SEC16A: variants seen among roughly 807,000 people sequenced by gnomAD.
The protein encoded by SEC16A is protein transport protein Sec16A.
A neutral mutation model predicts 221.9 loss-of-function variants in SEC16A; 110 were observed. That is an observed-to-expected ratio of 0.50 (90% CI 0.42 to 0.58). The LOEUF (loss-of-function observed/expected upper bound fraction) is 0.58, where lower values mean the gene tolerates loss of function less well. Among genes scored for constraint, SEC16A ranks in the 20% least tolerant of loss-of-function variants. The pLI is 0.00. For missense variants in SEC16A, 3,165 were observed against 3,097.8 expected (o/e 1.02, Z -0.52); for synonymous variants, 1,393 against 1,257.7 (o/e 1.11, Z -2.28).
upstream of SEC16A, chr9:136,483,154 G>T: frequency 5.9e-6 from 2 of 336,786 alleles, no homozygotes; most frequent in Non-Finnish European, 8.2e-6. Flanking sequence ...TTCTCTTTCA[G>T]CCCTTCACAG....
At chr9:136,464,133 G>A (rs1839861046) in intron 9 of SEC16A, among the ~76,000 whole-genome samples, 1 of 137,360 alleles carries the variant, frequency 7.3e-6, no homozygotes, top group Non-Finnish European at 1.5e-5. Flanking sequence ...ATCTATCATT[G>A]AAAAGCACCA....
Position 136,474,803 on chromosome 9 carries a change from A to G in SEC16A, c.2813T>C (p.Val938Ala), listed in dbSNP as rs1336462233. 1 of 1,613,990 alleles carries G rather than the reference A, an allele frequency of 6.2e-7. No individual in the cohort carries two copies. Among genetic ancestry groups the G allele is most frequent in the Non-Finnish European group, 8.5e-7 (1 of 1,179,894 alleles). Residue 938 changes from valine (V) to alanine (A), a missense_variant, in exon 3 of 32, where the codon GTT becomes GCT. Val to Ala is a moderately conservative substitution (Grantham distance 64). Around this residue, in one of 3 missense-constraint regions of SEC16A, gnomAD observed 2,030 missense variants for 1,923.1 expected, o/e 1.06. Coordinates refer to ENST00000684901, the MANE Select transcript of SEC16A (RefSeq NM_014866.2). ...PPSQPVPENL[V>A]PESQKDRKAG... is the part of the protein sequence containing the mutation. ...CTTACGATCCTTTTGACTTTCTGGA[A>G]CCAAGTTCTCTGGAACTGGCTGGGA...
Position 136,441,771 on chromosome 9 carries a change from T to G in SEC16A, c.7058A>C (p.His2353Pro). 1.2e-6 allele frequency: 2 copies of G among 1,613,390 alleles called. No individual in the cohort carries two copies. Among genetic ancestry groups the G allele is most frequent in the Non-Finnish European group, 1.7e-6 (2 of 1,179,822 alleles). Reference protein sequence around the residue: ...SRLGRIGQRKHLVLN With the variant: ...SRLGRIGQRKPLVLN ...AGGGCAAGCCTAGTTCAGCACCAGG[T>G]GCTTCCTCTGGCCAATCCTCCCTAG... The change falls in exon 32 of 32, where the codon CAC becomes CCC. Residue 2353 changes from histidine (H) to proline (P), a missense_variant. By Grantham distance (77) the His-to-Pro change is moderately conservative. Transcript: ENST00000684901.
At position 136,474,088 on chromosome 9, in the gene SEC16A, C is replaced by G; in HGVS notation, c.3528G>C (p.Pro1176=). The part of the protein sequence containing the change: ...YDAYQPQYSL[P]YPPEPGAASL... ...AGGCTGCGCCAGGCTCCGGTGGGTA[C>G]GGCAAAGAGTACTGAGGCTGGTAGG... The change falls in exon 3 of 32, where the codon CCG becomes CCC. Residue 1176 remains proline (P), a synonymous_variant. Transcript: ENST00000684901. The G allele has an allele frequency of 6.2e-7, 1 of 1,611,968 alleles. No homozygotes were observed. Among genetic ancestry groups the G allele is most frequent in the Non-Finnish European group, 8.5e-7 (1 of 1,179,202 alleles).
At chr9:136,470,068 GACCAC>G (rs1186502129) in intron 4 of SEC16A, among the ~76,000 whole-genome samples, 1 of 152,242 alleles carries the variant, frequency 6.6e-6, no homozygotes, top group African/African-American at 2.4e-5. Context: ...GCGGGGATCT[GACCAC>G]ACCAGGCCCA....
rs1042543749 is a variant in SEC16A, at chr9:136,471,842, CAT to C, written c.3704+131_3704+132del. On this transcript the variant is annotated intron_variant, in intron 4 of 31. Coordinates refer to ENST00000684901, the MANE Select transcript of SEC16A (RefSeq NM_014866.2). ...TTTGTCCATACCAAGAAAATGTCAA[CAT>C]ATGTTAGATAAGTTTGTACAATTCT... The C allele has an allele frequency of 1.4e-4, 153 of 1,083,476 alleles. No homozygotes were observed. The African/African-American group carries it at 2.1e-3, about 15-fold the overall frequency. The allele number at this position is 1,083,476 out of a possible 1,614,324, so 67.1% of individuals were successfully genotyped here.
chr9:136,447,650 T>C lies in SEC16A; in HGVS notation c.6478A>G (p.Met2160Val). Residue 2160 changes from methionine to valine, a missense_variant, in exon 26 of 32, where the codon ATG (methionine) becomes GTG (valine). Met to Val is a conservative substitution (Grantham distance 21, BLOSUM62 1). Coordinates refer to ENST00000684901, the MANE Select transcript of SEC16A (RefSeq NM_014866.2). This position sits in a 1 kb window ranked among gnomAD's most constrained non-coding sequence, Gnocchi z 5.5. ...KKAPPPPPTS[M>V]PKTVQAAPPA... ...GGGGCAGCTTGCACAGTCTTGGGCA[T>C]CGAGGTTGGAGGTGGGGGCGGGGCT... 1 of 1,613,148 alleles carries C rather than the reference T, an allele frequency of 6.2e-7. No individual in the cohort carries two copies. The highest frequency in any genetic ancestry group is 8.5e-7 in the Non-Finnish European group (1 of 1,179,392).
At chr9:136,478,942 C>T (rs1270495278) in intron 1 of SEC16A, among the ~76,000 whole-genome samples, 112 bp from the exon 2 acceptor site, 1 of 148,718 alleles carries the variant, frequency 6.7e-6, no homozygotes, top group East Asian at 2.0e-4. Context: ...CATAGGTCTC[C>T]GTTTTTGTAC....
At position 136,462,943 on chromosome 9, in the gene SEC16A, A is replaced by C. The variant is rs1839696653; in HGVS notation, c.4837T>G (p.Ser1613Ala). 3 of 1,605,658 alleles carry C rather than the reference A, an allele frequency of 1.9e-6. No homozygotes were observed. The Admixed American group carries it at 5.0e-5, about 27-fold the overall frequency. The change falls in exon 12 of 32, where the codon TCG (serine) becomes GCG (alanine). Residue 1613 changes from serine (S) to alanine (A), a missense_variant. Ser to Ala is a moderately conservative substitution (Grantham distance 99). Around this residue, in one of 3 missense-constraint regions of SEC16A, gnomAD observed 1,088 missense variants for 1,089.6 expected, o/e 1.00. Transcript: ENST00000684901. ...AACCTCTCGGTCTCTCTCTCGAGCG[A>C]GCTGGCGGCAGCCGCCGGACCACCA... ...LTGGPAAAASSLERETERFRE... is the reference protein window; with the variant it reads ...LTGGPAAAASALERETERFRE...
At chr9:136,465,174 G>A (rs534295584) in intron 8 of SEC16A, among the ~76,000 whole-genome samples, 11 of 151,794 alleles carry the variant, frequency 7.2e-5, no homozygotes, top group African/African-American at 2.4e-4. Context: ...AAGTAAGGCC[G>A]GGCACAGTGA....
intron 31 of SEC16A, among the ~76,000 whole-genome samples, chr9:136,442,992 G>T (rs559885626): frequency 6.6e-6 from 1 of 152,212 alleles, no homozygotes. Flanking sequence ...ACTAAGAAAG[G>T]CAGCAACATA....
At chr9:136,454,494 C>T (rs1345024528) in intron 20 of SEC16A, among the ~76,000 whole-genome samples, 167 bp from the exon 21 acceptor site, 1 of 152,386 alleles carries the variant, frequency 6.6e-6, no homozygotes, top group South Asian at 2.1e-4. Context: ...CCCCACCGCA[C>T]CATCCGTGGT....
In SEC16A at chr9:136,476,710, G is replaced by A. The variant is rs1192900788; in HGVS notation, c.906C>T (p.Phe302=). The A allele has an allele frequency of 6.3e-7, 1 of 1,587,346 alleles. No homozygotes were observed. The highest frequency in any genetic ancestry group is 1.3e-5 in the African/African-American group (1 of 74,302). ...GATTCACAATTCTGGGATTTTGCCT[G>A]AATGTACTTTCAGGATCAGAGTTAT... ...LANNSDPEST[F]RQNPRIVNHW... Residue 302 remains phenylalanine, a synonymous_variant, in exon 3 of 32, where the codon TTC becomes TTT. Coordinates refer to ENST00000684901, the MANE Select transcript of SEC16A (RefSeq NM_014866.2).
Position 136,466,141 on chromosome 9 carries a change from GAA to G in SEC16A, c.4129-7_4129-6del. On this transcript the variant is annotated splice_polypyrimidine_tract_variant and splice_region_variant and intron_variant, in intron 7 of 31. Transcript: ENST00000684901. This position sits in a 1 kb window ranked among gnomAD's most constrained non-coding sequence, Gnocchi z 5.5. ...GTGGCTTCTGTAAATCTGACTCTTA[GAA>G]AACAAAGCAAACGGGCAAAATCAAT... The G allele has an allele frequency of 6.3e-7, 1 of 1,585,406 alleles. No homozygotes were observed. Among genetic ancestry groups the G allele is most frequent in the African/African-American group, 1.3e-5 (1 of 74,188 alleles).
intron 29 of SEC16A, among the ~76,000 whole-genome samples, 178 bp from the exon 30 acceptor site, chr9:136,445,289 T>C (rs966483425): frequency 2.0e-5 from 3 of 152,214 alleles, no homozygotes; most frequent in Non-Finnish European, 4.4e-5. Context: ...GTAAAGCTGT[T>C]ATCCCGAAAC....
intron 22 of SEC16A, among the ~76,000 whole-genome samples, chr9:136,452,962 T>C (rs1838064819): frequency 6.6e-6 from 1 of 151,146 alleles, no homozygotes; most frequent in Admixed American, 6.6e-5. Flanking sequence ...TCCCAGCTAC[T>C]TGTGAGGCTG....
At chr9:136,458,950 A>C (rs1218671918) in intron 17 of SEC16A, among the ~76,000 whole-genome samples, 184 bp downstream of exon 17, 2 of 152,170 alleles carry the variant, frequency 1.3e-5, no homozygotes, top group Non-Finnish European at 2.9e-5. Flanking sequence ...TGCAAACGGA[A>C]AGCCTCAATT....
Position 136,475,883 on chromosome 9 carries a change from G to A in SEC16A, c.1733C>T (p.Thr578Ile). 1.2e-6 allele frequency: 2 copies of A among 1,604,736 alleles called. No homozygotes were observed. Among genetic ancestry groups the A allele is most frequent in the Non-Finnish European group, 1.7e-6 (2 of 1,175,516 alleles). The stretch of plus-strand genomic sequence containing the variant: ...GCCACGGTAATTCTGGCTCACAGTG[G>A]TCTCGTCTGTTTCACCTCCTACGGG... ...SSPVGGETDETTVSQNYRGSV... is the reference protein window; with the variant it reads ...SSPVGGETDEITVSQNYRGSV... The change falls in exon 3 of 32, where the codon ACC becomes ATC. Residue 578 changes from threonine to isoleucine, a missense_variant. By Grantham distance (89) the Thr-to-Ile change is moderately conservative (BLOSUM62 -1). Coordinates refer to ENST00000684901, the MANE Select transcript of SEC16A (RefSeq NM_014866.2). This position sits in a 1 kb window ranked among gnomAD's most constrained non-coding sequence, Gnocchi z 5.0.
intron 13 of SEC16A, among the ~76,000 whole-genome samples, chr9:136,460,599 T>TAAAAA (rs58421223): frequency 2.9e-5 from 4 of 139,418 alleles, no homozygotes; most frequent in South Asian, 2.3e-4. Context: ...ATCTCAATAT[T>TAAAAA]AAAAAAAAAA....
Sources: allele counts gnomAD v4.1 joint callset (sites outside exome capture counted in the v4.1 genomes callset), GRCh38; gene constraint gnomAD v4.1.1; regional missense constraint gnomAD v4.1.1; non-coding constraint Gnocchi (gnomAD v3.1); transcripts MANE v1.5; gene names NCBI Gene and HGNC (gene_info 2026-07-23, HGNC 2026-07-21).